The following DOCK2 variants were observed in gnomAD, a reference collection of about 807,000 sequenced individuals.
DOCK2 encodes dedicator of cytokinesis protein 2.
In DOCK2, 87 loss-of-function variants were observed where a neutral mutation model predicts 248.9. The ratio of observed to expected loss-of-function variants is 0.35; its 90% CI spans 0.29 to 0.42. The LOEUF (loss-of-function observed/expected upper bound fraction) is 0.42, where lower values mean the gene tolerates loss of function less well. DOCK2 is among the 10% of genes least tolerant of loss of function. The pLI, the probability that DOCK2 is intolerant of heterozygous loss-of-function variation, is 1.00. For synonymous variants in DOCK2, 805 were observed against 821.6 expected (o/e 0.98, Z 0.35); for missense variants, 1,747 against 2,300.2 (o/e 0.76, Z 4.92).
At chr5:169,802,684 A>G (rs1767074251) in intron 25 of DOCK2, among the ~76,000 whole-genome samples, 1 of 152,240 alleles carries the variant, frequency 6.6e-6, no homozygotes, top group Admixed American at 6.5e-5. Context: ...TAAACACATA[A>G]GTAAAATTGT....
At chr5:169,824,061 C>T (rs1034012434) in intron 26 of DOCK2, among the ~76,000 whole-genome samples, 1 of 152,104 alleles carries the variant, frequency 6.6e-6, no homozygotes, top group Non-Finnish European at 1.5e-5. Flanking sequence ...ATCCAACTTA[C>T]AAGGGATGTG....
At chr5:169,992,502 G>A (rs535632454) in intron 29 of DOCK2, among the ~76,000 whole-genome samples, 90 of 152,216 alleles carry the variant, frequency 5.9e-4, no homozygotes, top group Non-Finnish European at 1.1e-3. Flanking sequence ...GTCTCGCTCT[G>A]TTGCCAGGCT....
intron 40 of DOCK2, among the ~76,000 whole-genome samples, chr5:170,047,895 A>T (rs1265872267): frequency 1.3e-5 from 2 of 152,104 alleles, no homozygotes; most frequent in African/African-American, 4.8e-5. Flanking sequence ...AGGCTGGAGG[A>T]TGTTTGCTGG....
At position 169,699,436 on chromosome 5, in the gene DOCK2, C is replaced by A. The variant is rs1223152257; in HGVS notation, c.1110C>A (p.Ser370=). The A allele has an allele frequency of 6.2e-7, 1 of 1,613,172 alleles. No homozygotes were observed. Among genetic ancestry groups the A allele is most frequent in the Admixed American group, 1.7e-5 (1 of 59,952 alleles). Residue 370 remains serine (S), a synonymous_variant, in exon 12 of 52, where the codon TCC becomes TCA. Transcript: ENST00000520908. ...LHSLLGKVIA[S]KGDSGGQGLW... is the part of the protein sequence containing the mutation. ...GCCTGCTGGGCAAAGTCATAGCCTC[C>A]AAGGGGGACAGTGGAGGGCAAGGTA... is the stretch of plus-strand genomic sequence containing the variant.
At chr5:169,921,155 T>G (rs1775153621) in intron 27 of DOCK2, among the ~76,000 whole-genome samples, 1 of 152,196 alleles carries the variant, frequency 6.6e-6, no homozygotes, top group Non-Finnish European at 1.5e-5. Flanking sequence ...AATGTTAGCC[T>G]GGAAAAGTGT....
At chr5:169,739,928 T>A (rs1763224668) in intron 22 of DOCK2, among the ~76,000 whole-genome samples, 1 of 152,254 alleles carries the variant, frequency 6.6e-6, no homozygotes, top group South Asian at 2.1e-4. Context: ...AGAGTGTGCA[T>A]GCGTGTGCTT....
rs535438717 is a variant in DOCK2, at chr5:169,822,730, C to T, written c.2704-18027C>T. On this transcript the variant is annotated intron_variant, in intron 26 of 51. Coordinates refer to ENST00000520908, the MANE Select transcript of DOCK2 (RefSeq NM_004946.3). ...AGAACTAGAGAAGCAAGAACAAACACATTCAAAAGCTAGCAGAAGGCAAGA... is the reference window on the plus strand; with the variant it reads ...AGAACTAGAGAAGCAAGAACAAACATATTCAAAAGCTAGCAGAAGGCAAGA... Among the ~76,000 whole-genome samples, 8 of 152,268 alleles carry T rather than the reference C, an allele frequency of 5.3e-5. No individual in the cohort carries two copies. The East Asian group carries it at 1.5e-3, about 29-fold the overall frequency.
At chr5:169,685,388 T>C (rs1759907645) in intron 8 of DOCK2, among the ~76,000 whole-genome samples, 1 of 152,222 alleles carries the variant, frequency 6.6e-6, no homozygotes, top group Non-Finnish European at 1.5e-5. Context: ...ACTCCTGGCC[T>C]CTACTTGTGG....
intron 15 of DOCK2, 79 bp downstream of exon 15, chr5:169,708,346 T>C: frequency 7.6e-7 from 1 of 1,323,834 alleles, no homozygotes; most frequent in Admixed American, 2.0e-5. Flanking sequence ...TTTATTTAAA[T>C]AATTTATGTA....
chr5:169,788,408 T>A lies in DOCK2; in HGVS notation c.2555-14650T>A, dbSNP rs531244633. ...CAAGTGACTTGAAACCATTAGCTTC[T>A]CTCCAGTTCTTTTCAGAGCTAAGAT... On this transcript the variant is annotated intron_variant, in intron 25 of 51. Coordinates refer to ENST00000520908, the MANE Select transcript of DOCK2 (RefSeq NM_004946.3). Among the ~76,000 whole-genome samples the A allele has an allele frequency of 5.1e-4, 77 of 152,288 alleles. 2 individuals carry two copies. In the South Asian group the frequency reaches 0.015, roughly 30 times the overall value.
At chr5:169,898,597 T>C (rs1773748569) in intron 27 of DOCK2, among the ~76,000 whole-genome samples, 1 of 152,148 alleles carries the variant, frequency 6.6e-6, no homozygotes, top group Admixed American at 6.5e-5. Flanking sequence ...AATGAAAGAA[T>C]GACAGTTAAG....
At chr5:169,776,165 AT>A (rs1561684276) in intron 25 of DOCK2, among the ~76,000 whole-genome samples, 6 of 144,222 alleles carry the variant, frequency 4.2e-5, no homozygotes, top group African/African-American at 1.3e-4. Flanking sequence ...AAATATATAT[AT>A]TTATATAAAT....
rs549929646 is a variant in DOCK2 at position 169,870,426 on chromosome 5, G to A, written c.2799+29574G>A. 7.2e-5 allele frequency among the ~76,000 whole-genome samples: 11 copies of A among 152,298 alleles called. No homozygotes were observed. In the South Asian group the frequency reaches 1.9e-3, roughly 26 times the overall value. On this transcript the variant is annotated intron_variant, in intron 27 of 51. Coordinates refer to ENST00000520908, the MANE Select transcript of DOCK2 (RefSeq NM_004946.3). ...TAAGCTCATGAGCAAACAACAGAGC[G>A]AGGTTCTGGATGCAGGATCTTGGCT...
intron 27 of DOCK2, among the ~76,000 whole-genome samples, chr5:169,885,646 A>G (rs1772929114): frequency 6.6e-6 from 1 of 152,226 alleles, no homozygotes; most frequent in Non-Finnish European, 1.5e-5. Context: ...CTTTACATGC[A>G]TTAATTAAAA....
At chr5:169,824,972 T>C (rs1400452971) in intron 26 of DOCK2, among the ~76,000 whole-genome samples, 1 of 152,078 alleles carries the variant, frequency 6.6e-6, no homozygotes, top group East Asian at 1.9e-4. Flanking sequence ...TATGAACAGA[T>C]ACTTTTCAAA....
chr5:169,853,804 C>CTT lies in DOCK2; in HGVS notation c.2799+12996_2799+12997dup, dbSNP rs67124138. Reference sequence around the variant, plus strand: ...TTCCTTCTATAATCAGGAAAAACAACTTTTTTTTTTTTTTTTTTTTTTTTT... The same window carrying CTT: ...TTCCTTCTATAATCAGGAAAAACAACTTTTTTTTTTTTTTTTTTTTTTTTTTT... On this transcript the variant is annotated intron_variant, in intron 27 of 51. Transcript: ENST00000520908. 2.6e-4 allele frequency among the ~76,000 whole-genome samples: 15 copies of CTT among 56,858 alleles called. 1 individual carries two copies. The highest frequency in any genetic ancestry group is 5.5e-4 in the East Asian group (1 of 1,812). 37.3% of individuals were successfully genotyped at this position (56,858 alleles called of 152,430 possible).
At chr5:169,824,424 G>C (rs1768705026) in intron 26 of DOCK2, among the ~76,000 whole-genome samples, 1 of 152,168 alleles carries the variant, frequency 6.6e-6, no homozygotes, top group Non-Finnish European at 1.5e-5. Flanking sequence ...CCAAAACAGA[G>C]ATATAGACCA....
Position 169,726,571 on chromosome 5 carries a change from A to G in DOCK2, c.2267+7780A>G, listed in dbSNP as rs538315888. On this transcript the variant is annotated intron_variant, in intron 22 of 51. Coordinates refer to ENST00000520908, the MANE Select transcript of DOCK2 (RefSeq NM_004946.3). ...ATTGCTTTTGGTGTTTTAGTCATGA[A>G]GTCTTATGCATGAACTTTTAAATAG... 2.6e-5 allele frequency among the ~76,000 whole-genome samples: 4 copies of G among 152,318 alleles called. No individual in the cohort carries two copies. In the South Asian group the frequency reaches 8.3e-4, roughly 32 times the overall value.
chr5:169,945,182 G>T (rs1032164216), intron 27 of DOCK2, among the ~76,000 whole-genome samples: 3 of 152,232 alleles, frequency 2.0e-5, no homozygotes, highest in African/African-American at 7.2e-5. Flanking sequence ...AAGCAGACAG[G>T]CTGGTTGTGC....
Sources: gnomAD v4.1 joint callset for allele counts (sites outside exome capture counted in the v4.1 genomes callset) on GRCh38, gnomAD v4.1.1 for gene constraint, MANE v1.5 for transcripts, NCBI Gene and HGNC (gene_info 2026-07-23, HGNC 2026-07-21) for gene names.